BAZ2B: variants seen among roughly 807,000 people sequenced by gnomAD.
BAZ2B encodes the protein bromodomain adjacent to zinc finger domain 2B.
BAZ2B carries 91 observed loss-of-function variants against 246.0 expected under a neutral mutation model. The observed-to-expected ratio is 0.37, with a 90% CI of 0.31 to 0.44. The LOEUF is 0.44. Ranked by LOEUF, BAZ2B falls within the 20% of genes least tolerant of loss-of-function variation. The pLI, the probability that BAZ2B is intolerant of heterozygous loss-of-function variation, is 1.00. For synonymous variants in BAZ2B, 855 were observed against 860.0 expected, an observed-to-expected ratio of 0.99 and a Z score of 0.10; for missense variants, 2,332 against 2,533.7, an observed-to-expected ratio of 0.92 and a Z score of 1.71.
chr2:159,637,557 C>T, the BAZ2B span, among the ~76,000 whole-genome samples: 1 of 152,042 alleles, frequency 6.6e-6, no homozygotes. Context: ...AGGTAAATTG[C>T]TAAGGCTTTT....
At chr2:159,674,632 C>T in the BAZ2B span, among the ~76,000 whole-genome samples, 1 of 151,544 alleles carries the variant, frequency 6.6e-6, no homozygotes, top group East Asian at 1.9e-4. Flanking sequence ...AGGAGAATCA[C>T]TTGAACCTGG....
intron 6 of BAZ2B, among the ~76,000 whole-genome samples, chr2:159,442,872 C>T (rs1336099640): frequency 2.6e-5 from 4 of 152,154 alleles, no homozygotes; most frequent in Admixed American, 6.5e-5. Context: ...ATAATACTAA[C>T]ATGTATTTAT....
intron 2 of BAZ2B, among the ~76,000 whole-genome samples, chr2:159,535,483 T>C (rs1025356166): frequency 1.3e-5 from 2 of 152,308 alleles, no homozygotes; most frequent in South Asian, 2.1e-4. Context: ...GATTGCGCCA[T>C]TGCACTTCAG....
intron 1 of BAZ2B, among the ~76,000 whole-genome samples, chr2:159,610,813 G>T (rs1357281670): frequency 6.6e-6 from 1 of 152,032 alleles, no homozygotes; most frequent in Non-Finnish European, 1.5e-5. Context: ...ATTTAAGTAT[G>T]TGGAATAAAA....
Position 159,359,334 on chromosome 2 carries a change from C to T in BAZ2B, c.4214-8977G>A, listed in dbSNP as rs576438219. Among the ~76,000 whole-genome samples the T allele has an allele frequency of 3.9e-5, 6 of 152,226 alleles. 1 individual carries two copies. The highest frequency in any genetic ancestry group is 1.4e-4 in the African/African-American group (6 of 41,552). On this transcript the variant is annotated intron_variant, in intron 27 of 36. Coordinates refer to ENST00000392783, the MANE Select transcript of BAZ2B (RefSeq NM_013450.4). ...TCAGAGAATACTAGAAACACCTCTACGCAAATAAACTAAAAATCTGGAAGA... is the reference window on the plus strand; with the variant it reads ...TCAGAGAATACTAGAAACACCTCTATGCAAATAAACTAAAAATCTGGAAGA...
chr2:159,487,796 G>T (rs1018850493), intron 2 of BAZ2B, among the ~76,000 whole-genome samples: 1 of 149,088 alleles, frequency 6.7e-6, no homozygotes, highest in Non-Finnish European at 1.5e-5. Flanking sequence ...AAAAAAAAAA[G>T]AATTTAAAAA....
upstream of BAZ2B, among the ~76,000 whole-genome samples, chr2:159,619,672 A>G (rs1696354518): frequency 6.6e-6 from 1 of 151,878 alleles, no homozygotes; most frequent in Admixed American, 6.6e-5. Context: ...TTAAAAAAAA[A>G]TGATTTCCTA....
chr2:159,317,974 G>A (rs909495459), downstream of BAZ2B, among the ~76,000 whole-genome samples: 19 of 152,162 alleles, frequency 1.2e-4, no homozygotes, highest in Non-Finnish European at 2.6e-4. Context: ...ACACCAGTCC[G>A]AAGTAGCCAG....
chr2:159,700,522 T>C, the BAZ2B span, among the ~76,000 whole-genome samples: 1 of 152,218 alleles, frequency 6.6e-6, no homozygotes, highest in East Asian at 1.9e-4. Flanking sequence ...CTCGGCTCAC[T>C]GCAACCTCCG....
At position 159,412,328 on chromosome 2, in the gene BAZ2B, T is replaced by G; in HGVS notation, c.2677+7A>C. The G allele has an allele frequency of 6.2e-7, 1 of 1,613,434 alleles. No homozygotes were observed. Among genetic ancestry groups the G allele is most frequent in the Non-Finnish European group, 8.5e-7 (1 of 1,179,358 alleles). On this transcript the variant is annotated splice_region_variant and intron_variant, in intron 14 of 36. Transcript: ENST00000392783. Reference sequence around the variant, plus strand: ...ATTATTAGTGTCAGACACATTATGTTTCTTACCTTGAGCTTGCAGTTTTCT... The same window carrying G: ...ATTATTAGTGTCAGACACATTATGTGTCTTACCTTGAGCTTGCAGTTTTCT...
the BAZ2B span, among the ~76,000 whole-genome samples, chr2:159,706,130 C>T: frequency 6.7e-6 from 1 of 148,192 alleles, no homozygotes; most frequent in Non-Finnish European, 1.5e-5. Flanking sequence ...ATTGTGTGAC[C>T]ATGCAGAAAG....
upstream of BAZ2B, among the ~76,000 whole-genome samples, chr2:159,621,085 T>A (rs1696413021): frequency 6.6e-6 from 1 of 152,196 alleles, no homozygotes; most frequent in Non-Finnish European, 1.5e-5. Flanking sequence ...ACTAGAGAAA[T>A]TTCTGGCTTA....
intron 2 of BAZ2B, among the ~76,000 whole-genome samples, chr2:159,499,718 T>C (rs368227325): frequency 4.5e-4 from 68 of 152,256 alleles, no homozygotes; most frequent in African/African-American, 1.6e-3. Context: ...GCCATTCTGA[T>C]TGGTGTGAGA....
chr2:159,320,052 T>G lies in BAZ2B; in HGVS notation c.*213A>C. 2.5e-6 allele frequency: 1 copy of G among 403,020 alleles called. No homozygotes were observed. Among genetic ancestry groups the G allele is most frequent in the African/African-American group, 2.1e-5 (1 of 47,982 alleles). 25.0% of individuals were successfully genotyped at this position (403,020 alleles called of 1,614,324 possible). A position where few individuals can be genotyped will look rare whatever the true frequency, so the allele number is the denominator to read the frequency against. On this transcript the variant is annotated 3_prime_UTR_variant, in exon 37 of 37. Coordinates refer to ENST00000392783, the MANE Select transcript of BAZ2B (RefSeq NM_013450.4). ...GCTTCCCTGTTCTACCTAAATTAGC[T>G]GATAAATCACACAAACCAATAACCG... is the stretch of plus-strand genomic sequence containing the variant.
At chr2:159,482,753 T>G (rs1458462512) in intron 2 of BAZ2B, among the ~76,000 whole-genome samples, 1 of 152,162 alleles carries the variant, frequency 6.6e-6, no homozygotes, top group African/African-American at 2.4e-5. Context: ...AGATGAAAAA[T>G]TAATACATTC....
intron 2 of BAZ2B, among the ~76,000 whole-genome samples, chr2:159,539,136 C>CA (rs2086356261): frequency 6.6e-6 from 1 of 152,108 alleles, no homozygotes; most frequent in Non-Finnish European, 1.5e-5. Context: ...TTTCTATAGT[C>CA]AAAAAACATT....
rs188063921 is a variant in BAZ2B at position 159,344,394 on chromosome 2, C to T, written c.5454+3092G>A. On this transcript the variant is annotated intron_variant, in intron 31 of 36. Coordinates refer to ENST00000392783, the MANE Select transcript of BAZ2B (RefSeq NM_013450.4). ...TACTAAAAATACAAAATTAGCCAGGCGTGGTGGTGCATGCCTGTAATCCCA... is the reference window on the plus strand; with the variant it reads ...TACTAAAAATACAAAATTAGCCAGGTGTGGTGGTGCATGCCTGTAATCCCA... 3.3e-3 allele frequency among the ~76,000 whole-genome samples: 504 copies of T among 151,588 alleles called. 5 individuals carry two copies. The highest frequency in any genetic ancestry group is 0.011 in the African/African-American group (472 of 41,340).
intron 2 of BAZ2B, among the ~76,000 whole-genome samples, chr2:159,526,974 A>C (rs965932329): frequency 2.6e-4 from 39 of 150,990 alleles, no homozygotes; most frequent in African/African-American, 9.5e-4. Context: ...TTGAAACTGC[A>C]AACTATTTTT....
intron 2 of BAZ2B, among the ~76,000 whole-genome samples, chr2:159,554,283 A>G (rs951303380): frequency 9.9e-5 from 15 of 152,206 alleles, no homozygotes; most frequent in African/African-American, 3.6e-4. Flanking sequence ...GCATTTTTAA[A>G]TTTTAAAAAA....
Sources: gnomAD v4.1 joint callset for allele counts (sites outside exome capture counted in the v4.1 genomes callset) on GRCh38, gnomAD v4.1.1 for gene constraint, MANE v1.5 for transcripts, NCBI Gene and HGNC (gene_info 2026-07-23, HGNC 2026-07-21) for gene names.